The following COP1 variants were observed in gnomAD, a reference collection of about 807,000 sequenced individuals.
COP1 encodes COP1 E3 ubiquitin ligase.
A neutral mutation model predicts 101.3 loss-of-function variants in COP1; 24 were observed. The observed-to-expected ratio is 0.24, with a 90% CI of 0.17 to 0.33. The LOEUF (loss-of-function observed/expected upper bound fraction) is 0.33, where lower values mean the gene tolerates loss of function less well. Among genes scored for constraint, COP1 ranks in the 10% least tolerant of loss-of-function variants. The pLI, the probability that COP1 is intolerant of heterozygous loss-of-function variation, is 1.00. For missense variants in COP1, 663 were observed against 906.2 expected (o/e 0.73, Z 3.45); for synonymous variants, 347 against 341.9 (o/e 1.01, Z -0.17).
intron 15 of COP1, among the ~76,000 whole-genome samples, chr1:175,990,333 AT>A (rs1658091604): frequency 6.6e-6 from 1 of 152,058 alleles, no homozygotes; most frequent in Non-Finnish European, 1.5e-5. Context: ...ATCATTTTAA[AT>A]TTATTGACAG....
intron 6 of COP1, among the ~76,000 whole-genome samples, chr1:176,142,158 C>T (rs1306136398): frequency 6.6e-6 from 1 of 151,988 alleles, no homozygotes; most frequent in East Asian, 1.9e-4. Context: ...GATGTCAATA[C>T]CAGTAGGCTG....
chr1:176,115,358 G>C (rs548202199), intron 9 of COP1, among the ~76,000 whole-genome samples: 1 of 152,298 alleles, frequency 6.6e-6, no homozygotes, highest in Admixed American at 6.5e-5. Flanking sequence ...GCTGAGGCTG[G>C]AGAATCGCTT....
intron 8 of COP1, among the ~76,000 whole-genome samples, chr1:176,130,543 T>C (rs1688717041): frequency 6.6e-6 from 1 of 151,794 alleles, no homozygotes; most frequent in Non-Finnish European, 1.5e-5. Context: ...GCTTAAAAGG[T>C]TAAAAAATTC....
At chr1:176,177,627 A>C (rs922456448) in intron 2 of COP1, among the ~76,000 whole-genome samples, 2 of 152,150 alleles carry the variant, frequency 1.3e-5, no homozygotes, top group African/African-American at 4.8e-5. Context: ...ATGATTTCTA[A>C]GAAATTACAA....
chr1:176,190,217 C>G (rs1425495156), intron 1 of COP1, among the ~76,000 whole-genome samples: 1 of 151,994 alleles, frequency 6.6e-6, no homozygotes, highest in African/African-American at 2.4e-5. Context: ...CTTACTGGTT[C>G]AGCATCCCTC....
intron 15 of COP1, among the ~76,000 whole-genome samples, chr1:176,024,281 G>A (rs577485490): frequency 1.2e-4 from 19 of 152,098 alleles, no homozygotes; most frequent in South Asian, 8.3e-4. Flanking sequence ...ATAAAACTAC[G>A]GATGAATATC....
chr1:176,093,823 G>C (rs143747043), intron 9 of COP1, among the ~76,000 whole-genome samples: 2,090 of 151,440 alleles, frequency 0.014, 27 homozygotes, highest in Non-Finnish European at 0.019. Context: ...AGGTGACAGA[G>C]CGAGAGACTC....
chr1:176,134,150 G>C (rs1367796726), intron 8 of COP1, among the ~76,000 whole-genome samples: 1 of 151,832 alleles, frequency 6.6e-6, no homozygotes, highest in Admixed American at 6.6e-5. Flanking sequence ...AAAGTGATAA[G>C]GTTTCCGAAG....
intron 18 of COP1, among the ~76,000 whole-genome samples, chr1:175,960,246 T>C (rs968321835): frequency 6.6e-6 from 1 of 152,226 alleles, no homozygotes; most frequent in Non-Finnish European, 1.5e-5. Flanking sequence ...CTTTGGAGTC[T>C]GAAAGATTTC....
chr1:176,046,118 G>T, intron 12 of COP1, 63 bp downstream of exon 12: 1 of 1,322,976 alleles, frequency 7.6e-7, no homozygotes, highest in Non-Finnish European at 1.1e-6. Context: ...ATAATCTCAT[G>T]ATAATTACAT....
At chr1:176,046,501 AT>A (rs1203771637) in intron 11 of COP1, among the ~76,000 whole-genome samples, 177 bp from the exon 12 acceptor site, 1 of 152,124 alleles carries the variant, frequency 6.6e-6, no homozygotes, top group Non-Finnish European at 1.5e-5. Context: ...GATTTGTGTA[AT>A]ATAAAACTTT....
At chr1:176,119,761 G>A (rs1211751654) in intron 8 of COP1, among the ~76,000 whole-genome samples, 2 of 152,078 alleles carry the variant, frequency 1.3e-5, no homozygotes, top group African/African-American at 2.4e-5. Context: ...ACAGTCACTA[G>A]ATGGCAGTAA....
At chr1:176,100,852 G>C (rs967729329) in intron 9 of COP1, among the ~76,000 whole-genome samples, 2 of 152,008 alleles carry the variant, frequency 1.3e-5, no homozygotes, top group Non-Finnish European at 2.9e-5. Context: ...AAAGGAGTCC[G>C]TGCAACACCC....
At chr1:176,125,219 T>C (rs952042726) in intron 8 of COP1, among the ~76,000 whole-genome samples, 4 of 152,216 alleles carry the variant, frequency 2.6e-5, no homozygotes, top group African/African-American at 9.7e-5. Flanking sequence ...CTCTTCACTT[T>C]GCTGATTGTT....
chr1:176,104,295 G>A (rs1051246377), intron 9 of COP1, among the ~76,000 whole-genome samples: 2 of 152,072 alleles, frequency 1.3e-5, no homozygotes, highest in Admixed American at 1.3e-4. Context: ...GCTTTTAACT[G>A]TGATTCAAAG....
chr1:176,127,219 CCT>C lies in COP1; in HGVS notation c.968+7789_968+7790del, dbSNP rs138688529. Among the ~76,000 whole-genome samples, 877 of 152,064 alleles carry C rather than the reference CCT, an allele frequency of 5.8e-3. 3 individuals are homozygous for C. The highest frequency in any genetic ancestry group is 9.1e-3 in the Non-Finnish European group (619 of 67,978). ...TATTTCTTCTGAGAACATTTAAAAT[CCT>C]CTCTTTTGCTATTCTAAAACATACA... On this transcript the variant is annotated intron_variant, in intron 8 of 19. Transcript: ENST00000367669.
chr1:176,082,148 ACT>A (rs1214073543), intron 10 of COP1, among the ~76,000 whole-genome samples: 1 of 152,226 alleles, frequency 6.6e-6, no homozygotes, highest in African/African-American at 2.4e-5. Context: ...GCTTTTCAGC[ACT>A]GTGTCGTTTG....
In COP1 at chr1:176,123,025, C is replaced by A. The variant is rs150411288; in HGVS notation, c.969-6344G>T. On this transcript the variant is annotated intron_variant, in intron 8 of 19. Transcript: ENST00000367669. ...GTTAAAGTTTCAGTTCATTACACAACGTGGTTTATTTGACTAGTTTGTATT... is the reference window on the plus strand; with the variant it reads ...GTTAAAGTTTCAGTTCATTACACAAAGTGGTTTATTTGACTAGTTTGTATT... Among the ~76,000 whole-genome samples the A allele has an allele frequency of 2.6e-3, 399 of 152,256 alleles. 3 individuals carry two copies. Among genetic ancestry groups the A allele is most frequent in the African/African-American group, 9.2e-3 (381 of 41,556 alleles).
intron 5 of COP1, among the ~76,000 whole-genome samples, chr1:176,150,619 A>G (rs1208639131): frequency 6.6e-6 from 1 of 152,256 alleles, no homozygotes; most frequent in African/African-American, 2.4e-5. Flanking sequence ...TTATTTAAAA[A>G]GTAACAACTT....
Sources: gnomAD v4.1 joint callset for allele counts (sites outside exome capture counted in the v4.1 genomes callset) on GRCh38, gnomAD v4.1.1 for gene constraint, MANE v1.5 for transcripts, NCBI Gene and HGNC (gene_info 2026-07-23, HGNC 2026-07-21) for gene names.